Variants in CLK4 observed in about 807,000 individuals in gnomAD.
CLK4 encodes dual specificity protein kinase CLK4.
In CLK4, 37 loss-of-function variants were observed where a neutral mutation model predicts 64.4. The ratio of observed to expected loss-of-function variants is 0.57; its 90% CI spans 0.44 to 0.76. The LOEUF is 0.76. CLK4 is among the 30% of genes least tolerant of loss of function. The probability of loss-of-function intolerance (pLI) is 0.00; values close to 1 mark genes in which losing one functional copy is unlikely to be tolerated. For synonymous variants in CLK4, 175 were observed against 191.6 expected (o/e 0.91, Z 0.72); for missense variants, 457 against 605.1 (o/e 0.76, Z 2.57).
Position 178,623,296 on chromosome 5 carries a change from T to G in CLK4, c.121A>C (p.Arg41=). Residue 41 remains arginine, a synonymous_variant, in exon 2 of 13, where the codon AGG becomes CGG. Coordinates refer to ENST00000316308, the MANE Select transcript of CLK4 (RefSeq NM_020666.3). Reference sequence around the variant, plus strand: ...AACTGGTGATGTGGTTTACAATGCCTGTTCTCTTGTGTGCTACTATGAGAT... The same window carrying G: ...AACTGGTGATGTGGTTTACAATGCCGGTTCTCTTGTGTGCTACTATGAGAT... ...RRSHSSTQEN[R]HCKPHHQFKE... 1 of 1,613,982 alleles carries G rather than the reference T, an allele frequency of 6.2e-7. No homozygotes were observed. Among genetic ancestry groups the G allele is most frequent in the Non-Finnish European group, 8.5e-7 (1 of 1,179,928 alleles).
intron 2 of CLK4, among the ~76,000 whole-genome samples, chr5:178,619,023 C>G (rs994929741): frequency 6.6e-6 from 1 of 152,194 alleles, no homozygotes; most frequent in Non-Finnish European, 1.5e-5. Flanking sequence ...AAGCTTGAGT[C>G]AAATCATTAA....
rs1255577801 is a variant in CLK4, at chr5:178,609,015, TACAG to T, written c.1052-561_1052-558del. ...AGCAGTTTCACCTATAAGCAGAAAT[TACAG>T]ACACATTGGAGCTCAGAGAGGGATC... is the stretch of plus-strand genomic sequence containing the variant. On this transcript the variant is annotated intron_variant, in intron 9 of 12. Transcript: ENST00000316308. Among the ~76,000 whole-genome samples the T allele has an allele frequency of 3.3e-5, 5 of 152,150 alleles. No individual in the cohort carries two copies. The South Asian group carries it at 8.3e-4, about 25-fold the overall frequency.
rs763876849 is a variant in CLK4 at position 178,603,741 on chromosome 5, T to C, written c.1322A>G (p.His441Arg). ...AAACAGTTTCTCATGTTCTTCATCA[T>C]GACAAAGCATAAATTCCTGGGGGAG... ...CKPLKEFMLC[H>R]DEEHEKLFDL... Residue 441 changes from histidine to arginine, a missense_variant, in exon 13 of 13, where the codon CAT becomes CGT. Coordinates refer to ENST00000316308, the MANE Select transcript of CLK4 (RefSeq NM_020666.3). 6.9e-6 allele frequency: 11 copies of C among 1,590,630 alleles called. No individual in the cohort carries two copies. The highest frequency in any genetic ancestry group is 1.4e-5 in the African/African-American group (1 of 73,514).
At position 178,622,497 on chromosome 5, in the gene CLK4, G is replaced by A. The variant is rs190073089; in HGVS notation, c.161+759C>T. On this transcript the variant is annotated intron_variant, in intron 2 of 12. Coordinates refer to ENST00000316308, the MANE Select transcript of CLK4 (RefSeq NM_020666.3). ...AGAAAACAGAACCAACAAAACAAAC[G>A]AAAAAGGGAAATTAATGAAAGAGTG... 23 of 877,834 alleles carry A rather than the reference G, an allele frequency of 2.6e-5. No individual in the cohort carries two copies. The East Asian group carries it at 2.4e-3, about 92-fold the overall frequency. 54.4% of individuals were successfully genotyped at this position (877,834 alleles called of 1,614,324 possible). A position where few individuals can be genotyped will look rare whatever the true frequency, so the allele number is the denominator to read the frequency against.
At chr5:178,615,977 C>T (rs1257815469) in intron 5 of CLK4, among the ~76,000 whole-genome samples, 1 of 152,182 alleles carries the variant, frequency 6.6e-6, no homozygotes, top group Non-Finnish European at 1.5e-5. Context: ...ATTGCCAAAT[C>T]TTATATACAG....
rs1764641830 is a variant in CLK4 at position 178,617,438 on chromosome 5, G to C, written c.385-4C>G. The C allele has an allele frequency of 6.2e-7, 1 of 1,611,734 alleles. No individual in the cohort carries two copies. Among genetic ancestry groups the C allele is most frequent in the Non-Finnish European group, 8.5e-7 (1 of 1,178,178 alleles). On this transcript the variant is annotated splice_polypyrimidine_tract_variant and splice_region_variant and intron_variant, in intron 3 of 12. Transcript: ENST00000316308. The surrounding 1 kb of genome is among the most constrained non-coding windows in gnomAD (Gnocchi z 5.2). ...ATCTTTTCCTTCGGTGGCTCTTCTG[G>C]AACGGCAAGTGGGCAGCACCAAGAT...
In CLK4 at chr5:178,618,569, T is replaced by C. The variant is rs766746452; in HGVS notation, c.371A>G (p.His124Arg). Residue 124 changes from histidine (H) to arginine (R), a missense_variant, in exon 3 of 13, where the codon CAT becomes CGT. Coordinates refer to ENST00000316308, the MANE Select transcript of CLK4 (RefSeq NM_020666.3). ...KRKRNRHCSS[H>R]QSRSKSHRRK... ...AACCAATCATACCGAACGTGACTGA[T>C]GACTTGAACAGTGTCTATTGCGCTT... The C allele has an allele frequency of 6.2e-6, 10 of 1,613,190 alleles. No homozygotes were observed. In the South Asian group the frequency reaches 9.9e-5, roughly 16 times the overall value.
At chr5:178,612,296 A>C in intron 9 of CLK4, 120 bp downstream of exon 9, 1 of 877,284 alleles carries the variant, frequency 1.1e-6, no homozygotes. Context: ...TTTTATGAAA[A>C]TAGAAAACGT....
rs149761770 is a variant in CLK4, at chr5:178,618,648, G to A, written c.292C>T (p.Arg98Ter). The change falls in exon 3 of 13, where the codon CGA (arginine) becomes TGA (stop). Residue 98 changes from arginine to a stop codon, truncating the protein, a stop_gained. Coordinates refer to ENST00000316308, the MANE Select transcript of CLK4 (RefSeq NM_020666.3). LOFTEE classifies it high-confidence loss of function. Reference protein sequence around the residue: ...HYHRDIESGYRIHCSKSSVRS... With the variant: ...HYHRDIESGY ...ACTGAAGATTTACTGCAGTGGATTC[G>A]ATACCCGCTTTCAATGTCTCTGTGA... 4.2e-5 allele frequency: 68 copies of A among 1,613,840 alleles called. No homozygotes were observed. Among genetic ancestry groups the A allele is most frequent in the Non-Finnish European group, 5.3e-5 (62 of 1,179,958 alleles).
Position 178,617,360 on chromosome 5 carries a change from G to A in CLK4, c.459C>T (p.Asp153=). The A allele has an allele frequency of 6.2e-7, 1 of 1,612,320 alleles. No individual in the cohort carries two copies. Among genetic ancestry groups the A allele is most frequent in the Non-Finnish European group, 8.5e-7 (1 of 1,178,450 alleles). The change falls in exon 4 of 13, where the codon GAC becomes GAT. Residue 153 remains aspartate (D), a synonymous_variant. Transcript: ENST00000316308. This position sits in a 1 kb window ranked among gnomAD's most constrained non-coding sequence, Gnocchi z 5.2. The part of the protein sequence containing the change: ...EEGHLICQSG[D]VLRARYEIVD... ...ATTCTATACATCTTGCTCTTAGAAC[G>A]TCTCCACTTTGACAGATCAGGTGAC...
At chr5:178,618,916 A>G in intron 2 of CLK4, 138 bp from the exon 3 acceptor site, 1 of 630,468 alleles carries the variant, frequency 1.6e-6, no homozygotes, top group Non-Finnish European at 2.7e-6. Context: ...TAGCATTTAT[A>G]TTTATCTCAT....
chr5:178,620,222 T>G (rs768741272), intron 2 of CLK4: 10 of 251,262 alleles, frequency 4.0e-5, no homozygotes, highest in Non-Finnish European at 7.3e-5. Context: ...AGGTCAGATA[T>G]CTGATCAGTT....
chr5:178,611,020 C>G (rs1764549592), intron 9 of CLK4, among the ~76,000 whole-genome samples: 1 of 151,274 alleles, frequency 6.6e-6, no homozygotes, highest in Non-Finnish European at 1.5e-5. Context: ...TTGCAGTGAG[C>G]CGAGATGGTA....
intron 2 of CLK4, chr5:178,621,737 A>G (rs1764709354): frequency 2.0e-5 from 3 of 152,212 alleles, no homozygotes; most frequent in South Asian, 2.1e-4. Context: ...GCAAGAAATA[A>G]GAGTTCACAT....
At position 178,613,863 on chromosome 5, in the gene CLK4, T is replaced by TA; in HGVS notation, c.543-21dup. The TA allele has an allele frequency of 6.4e-7, 1 of 1,562,044 alleles. No individual in the cohort carries two copies. Among genetic ancestry groups the TA allele is most frequent in the Non-Finnish European group, 8.8e-7 (1 of 1,133,306 alleles). On this transcript the variant is annotated intron_variant, in intron 5 of 12. Coordinates refer to ENST00000316308, the MANE Select transcript of CLK4 (RefSeq NM_020666.3). ...CCATCCCTTAAAAATAAAATTAAGA[T>TA]AAAAATGATAAATGTACAAGAGTGA... is the stretch of plus-strand genomic sequence containing the variant.
intron 1 of CLK4, among the ~76,000 whole-genome samples, chr5:178,625,917 G>A (rs1054304305): frequency 6.6e-6 from 1 of 152,116 alleles, no homozygotes; most frequent in Non-Finnish European, 1.5e-5. Flanking sequence ...AGGTTCCTTC[G>A]CATACATAAA....
chr5:178,623,721 C>G (rs1219962382), intron 1 of CLK4, among the ~76,000 whole-genome samples: 1 of 151,404 alleles, frequency 6.6e-6, no homozygotes, highest in Non-Finnish European at 1.5e-5. Context: ...TTGCTAACTG[C>G]CTTTTTAAAA....
At chr5:178,621,517 T>TA (rs1764706025) in intron 2 of CLK4, among the ~76,000 whole-genome samples, 1 of 152,162 alleles carries the variant, frequency 6.6e-6, no homozygotes, top group African/African-American at 2.4e-5. Context: ...TCTAAATCAA[T>TA]AAAAATACTT....
In CLK4 at chr5:178,618,426, T is replaced by C. The variant is rs1764658128; in HGVS notation, c.384+130A>G. 4 of 301,096 alleles carry C rather than the reference T, an allele frequency of 1.3e-5. No individual in the cohort carries two copies. The South Asian group carries it at 5.9e-4, about 45-fold the overall frequency. The allele number at this position is 301,096 out of a possible 1,614,324, so 18.7% of individuals were successfully genotyped here. On this transcript the variant is annotated intron_variant, in intron 3 of 12. Transcript: ENST00000316308. ...AGGTTTCCTTTAAGGATTTAAGTAA[T>C]ATAAATACAATTATAATATATCCAA...
Sources: gnomAD v4.1 joint callset for allele counts (sites outside exome capture counted in the v4.1 genomes callset) on GRCh38, gnomAD v4.1.1 for gene constraint, Gnocchi (gnomAD v3.1) non-coding constraint, MANE v1.5 for transcripts, NCBI Gene and HGNC (gene_info 2026-07-23, HGNC 2026-07-21) for gene names.